GBE1: variants seen among roughly 807,000 people sequenced by gnomAD.
GBE1 encodes 1,4-alpha-glucan-branching enzyme.
GBE1 carries 70 observed loss-of-function variants against 88.8 expected under a neutral mutation model. The ratio of observed to expected loss-of-function variants is 0.79; its 90% CI spans 0.65 to 0.96. GBE1 has a LOEUF of 0.96. Ranked by LOEUF, GBE1 falls within the 40% of genes least tolerant of loss-of-function variation. The probability of loss-of-function intolerance (pLI) is 0.00; values close to 1 mark genes in which losing one functional copy is unlikely to be tolerated. For synonymous variants in GBE1, 284 were observed against 300.1 expected (o/e 0.95, Z 0.56); for missense variants, 872 against 871.0 (o/e 1.00, Z -0.01).
intron 1 of GBE1, among the ~76,000 whole-genome samples, chr3:81,710,625 C>A (rs1020789950): frequency 2.0e-4 from 30 of 152,024 alleles, no homozygotes; most frequent in African/African-American, 6.3e-4. Context: ...CTCGGGGGAA[C>A]CTCATAGATT....
intron 1 of GBE1, chr3:81,743,504 C>T (rs1322624181): frequency 4.2e-6 from 5 of 1,197,970 alleles, no homozygotes; most frequent in Non-Finnish European, 4.8e-6. Context: ...TCCAACCCCC[C>T]TCTCTTACAG....
chr3:81,753,494 T>C (rs1435506661), intron 1 of GBE1, among the ~76,000 whole-genome samples: 1 of 152,214 alleles, frequency 6.6e-6, no homozygotes, highest in African/African-American at 2.4e-5. Context: ...TCTAAAACTA[T>C]AGCATATTTC....
At chr3:81,506,226 A>G (rs9811029) in intron 14 of GBE1, among the ~76,000 whole-genome samples, 45,685 of 151,904 alleles carry the variant, frequency 0.3, 7,135 homozygotes, top group East Asian at 0.43. Context: ...AAACAAACAC[A>G]CCAACAAAAA....
At chr3:81,705,404 T>C in intron 2 of GBE1, 40 bp downstream of exon 2, 1 of 1,311,550 alleles carries the variant, frequency 7.6e-7, no homozygotes, top group Non-Finnish European at 1.0e-6. Flanking sequence ...AAATAGTTAA[T>C]AAGATATTAC....
chr3:81,597,683 C>T (rs1703978714), intron 7 of GBE1, among the ~76,000 whole-genome samples: 1 of 144,616 alleles, frequency 6.9e-6, no homozygotes, highest in African/African-American at 2.7e-5. Context: ...CTGTAATATC[C>T]AGAAAAAAAA....
chr3:81,548,801 AT>A (rs1437857746), intron 12 of GBE1, among the ~76,000 whole-genome samples: 1 of 150,782 alleles, frequency 6.6e-6, no homozygotes, highest in Non-Finnish European at 1.5e-5. Context: ...CAAGCAGAAG[AT>A]GAGTTAACTG....
chr3:81,503,298 A>C (rs7629051), intron 14 of GBE1, among the ~76,000 whole-genome samples: 9,230 of 152,218 alleles, frequency 0.061, 458 homozygotes, highest in African/African-American at 0.13. Flanking sequence ...AATGAGAGGG[A>C]GAGTCAAGGA....
At chr3:81,679,164 A>C (rs1705303381) in intron 2 of GBE1, among the ~76,000 whole-genome samples, 1 of 152,200 alleles carries the variant, frequency 6.6e-6, no homozygotes, top group African/African-American at 2.4e-5. Flanking sequence ...TAATAAAAAA[A>C]TAAAAATGAA....
chr3:81,580,748 T>C (rs892744308), intron 11 of GBE1, among the ~76,000 whole-genome samples: 6 of 151,944 alleles, frequency 3.9e-5, no homozygotes, highest in African/African-American at 1.4e-4. Flanking sequence ...GAGATTTCAG[T>C]GACTGAGGGG....
At chr3:81,679,965 G>GC (rs1347385761) in intron 2 of GBE1, among the ~76,000 whole-genome samples, 1 of 152,126 alleles carries the variant, frequency 6.6e-6, no homozygotes, top group African/African-American at 2.4e-5. Flanking sequence ...TGGCTGAAAT[G>GC]CCTCTATCTG....
intron 1 of GBE1, among the ~76,000 whole-genome samples, chr3:81,750,529 A>ATATATATATG (rs1706482645): frequency 7.5e-5 from 6 of 80,512 alleles, no homozygotes; most frequent in African/African-American, 4.8e-4. Flanking sequence ...ACATTCATAT[A>ATATATATATG]TATATATACG....
intron 1 of GBE1, among the ~76,000 whole-genome samples, chr3:81,721,988 A>C (rs1706041851): frequency 6.6e-6 from 1 of 152,224 alleles, no homozygotes; most frequent in Non-Finnish European, 1.5e-5. Context: ...GCAAGTTATT[A>C]GCAGAACCAG....
intron 15 of GBE1, among the ~76,000 whole-genome samples, chr3:81,494,509 T>C (rs183406852): frequency 6.6e-6 from 1 of 152,208 alleles, no homozygotes; most frequent in South Asian, 2.1e-4. Context: ...AAAAAGTATA[T>C]TGATGTACCT....
intron 9 of GBE1, among the ~76,000 whole-genome samples, chr3:81,589,166 A>G (rs1350036524): frequency 6.6e-6 from 1 of 152,150 alleles, no homozygotes; most frequent in Non-Finnish European, 1.5e-5. Flanking sequence ...CTAATTTTTT[A>G]CTATCTAAAG....
chr3:81,628,819 T>G, intron 7 of GBE1, among the ~76,000 whole-genome samples: 1 of 140,766 alleles, frequency 7.1e-6, no homozygotes, highest in Non-Finnish European at 1.5e-5. Context: ...TTATTTCATC[T>G]TAATCCCAGG....
intron 8 of GBE1, among the ~76,000 whole-genome samples, chr3:81,593,112 C>T (rs1004407312): frequency 6.6e-6 from 1 of 151,944 alleles, no homozygotes; most frequent in East Asian, 1.9e-4. Flanking sequence ...CCTGCAATCC[C>T]AGCACTTTGG....
intron 12 of GBE1, among the ~76,000 whole-genome samples, chr3:81,559,379 ATGCAGTGT>A (rs1416478876): frequency 1.3e-5 from 2 of 151,868 alleles, no homozygotes; most frequent in African/African-American, 4.8e-5. Flanking sequence ...AATATGAATA[ATGCAGTGT>A]TGCTCAATTC....
At chr3:81,654,149 G>A (rs1476344442) in intron 3 of GBE1, among the ~76,000 whole-genome samples, 2 of 151,830 alleles carry the variant, frequency 1.3e-5, no homozygotes, top group Admixed American at 1.3e-4. Flanking sequence ...ACTTATAGGA[G>A]GTTATCATCA....
chr3:81,724,771 T>A (rs955064558), intron 1 of GBE1, among the ~76,000 whole-genome samples: 12 of 152,026 alleles, frequency 7.9e-5, no homozygotes, highest in African/African-American at 2.9e-4. Context: ...AAAATGCAAA[T>A]CTAAAATTTG....
Sources: gnomAD v4.1 joint callset for allele counts (sites outside exome capture counted in the v4.1 genomes callset) on GRCh38, gnomAD v4.1.1 for gene constraint, MANE v1.5 for transcripts, NCBI Gene and HGNC (gene_info 2026-07-23, HGNC 2026-07-21) for gene names.